Variants in KLHL29 observed in about 807,000 individuals in gnomAD.
KLHL29 encodes kelch-like protein 29.
A neutral mutation model predicts 80.4 loss-of-function variants in KLHL29; 21 were observed. The ratio of observed to expected loss-of-function variants is 0.26; its 90% CI spans 0.19 to 0.38. The LOEUF (loss-of-function observed/expected upper bound fraction) is 0.38. KLHL29 is among the 10% of genes least tolerant of loss of function. KLHL29 has a pLI of 1.00. For synonymous variants in KLHL29, 511 were observed against 526.8 expected, an observed-to-expected ratio of 0.97 and a Z score of 0.41; for missense variants, 867 against 1,223.9, an observed-to-expected ratio of 0.71 and a Z score of 4.35.
intron 3 of KLHL29, among the ~76,000 whole-genome samples, chr2:23,635,878 G>A (rs1246883745): frequency 2.0e-5 from 3 of 152,254 alleles, no homozygotes; most frequent in South Asian, 2.1e-4. Context: ...GGGAGGGCAC[G>A]AGGGGAAGCT....
rs527670786 is a variant in KLHL29, at chr2:23,455,490, A to G, written c.-153-20070A>G. Among the ~76,000 whole-genome samples the G allele has an allele frequency of 2.6e-5, 4 of 151,818 alleles. No homozygotes were observed. The East Asian group carries it at 7.8e-4, about 29-fold the overall frequency. On this transcript the variant is annotated intron_variant, in intron 1 of 13. Coordinates refer to ENST00000486442, the MANE Select transcript of KLHL29 (RefSeq NM_052920.2). ...AGTGGAAATCCAGTTAATGTAAGAT[A>G]TTTTGGTTTGTGAATTTTATTTGCC...
chr2:23,566,924 G>T (rs529698437), intron 3 of KLHL29, among the ~76,000 whole-genome samples: 17 of 151,536 alleles, frequency 1.1e-4, no homozygotes, highest in African/African-American at 3.7e-4. Flanking sequence ...GTCCCCCCCT[G>T]GTGGTTGGTG....
chr2:23,569,221 A>G (rs2103501397), intron 3 of KLHL29, among the ~76,000 whole-genome samples: 1 of 152,356 alleles, frequency 6.6e-6, no homozygotes, highest in Admixed American at 6.5e-5. Context: ...TCCCTGTGAA[A>G]ATCCACTTGG....
chr2:23,693,923 G>A lies in KLHL29; in HGVS notation c.1542+395G>A, dbSNP rs906206216. ...GCAGGAAGAGGGAGAGTGAGGTCCT[G>A]AGGGGACTGTGTTGGGTAAACAGAG... On this transcript the variant is annotated intron_variant, in intron 8 of 13. Transcript: ENST00000486442. Among the ~76,000 whole-genome samples, 13 of 152,318 alleles carry A rather than the reference G, an allele frequency of 8.5e-5. No individual in the cohort carries two copies. The East Asian group carries it at 2.3e-3, about 27-fold the overall frequency.
intron 4 of KLHL29, among the ~76,000 whole-genome samples, chr2:23,641,736 C>T (rs1669776129): frequency 6.6e-6 from 1 of 152,232 alleles, no homozygotes; most frequent in Admixed American, 6.5e-5. Context: ...GTGGTCCCAG[C>T]ACTTTGGGAA....
At chr2:23,444,169 C>T (rs1299284758) in intron 1 of KLHL29, among the ~76,000 whole-genome samples, 3 of 152,150 alleles carry the variant, frequency 2.0e-5, no homozygotes, top group African/African-American at 7.2e-5. Flanking sequence ...ACCTCTTAGG[C>T]ACTAGGGATG....
rs1266501714 is a variant in KLHL29, at chr2:23,642,369, C to T, written c.459C>T (p.Ala153=). The T allele has an allele frequency of 1.5e-5, 22 of 1,434,694 alleles. No individual in the cohort carries two copies. The highest frequency in any genetic ancestry group is 2.9e-5 in the Admixed American group (1 of 34,436). 88.9% of individuals were successfully genotyped at this position (1,434,694 alleles called of 1,614,324 possible). A position where few individuals can be genotyped will look rare whatever the true frequency, so the allele number is the denominator to read the frequency against. ...GTGPWVTTVA[A]GNQPTLIAHS... The stretch of plus-strand genomic sequence containing the variant: ...GGCCATGGGTGACCACGGTGGCCGC[C>T]GGGAACCAGCCCACCCTGATTGCAC... The change falls in exon 5 of 14, where the codon GCC becomes GCT. Residue 153 remains alanine (A), a synonymous_variant. Transcript: ENST00000486442.
intron 1 of KLHL29, among the ~76,000 whole-genome samples, chr2:23,399,410 A>G (rs1344915574): frequency 6.6e-6 from 1 of 152,264 alleles, no homozygotes; most frequent in African/African-American, 2.4e-5. Flanking sequence ...GTTTCATCAC[A>G]ATAAAAAAAT....
intron 2 of KLHL29, among the ~76,000 whole-genome samples, chr2:23,489,741 A>AG (rs1260743945): frequency 6.7e-6 from 1 of 149,474 alleles, no homozygotes. Context: ...AGCTGGGGAG[A>AG]GGGGCATGTG....
chr2:23,666,673 G>A (rs571306011), intron 5 of KLHL29, among the ~76,000 whole-genome samples: 93 of 152,360 alleles, frequency 6.1e-4, no homozygotes, highest in African/African-American at 2.2e-3. Flanking sequence ...GTGACTGAGC[G>A]AGTTTCCTTC....
chr2:23,613,790 A>AAAAAAAAAAAAAC (rs1668933636), intron 3 of KLHL29, among the ~76,000 whole-genome samples: 2 of 146,586 alleles, frequency 1.4e-5, no homozygotes, highest in African/African-American at 5.0e-5. Flanking sequence ...AAAAAAAAAA[A>AAAAAAAAAAAAAC]CCCACCACTC....
Position 23,693,423 on chromosome 2 carries a change from C to T in KLHL29, c.1437C>T (p.Asp479=). 1 of 1,551,766 alleles carries T rather than the reference C, an allele frequency of 6.4e-7. No individual in the cohort carries two copies. Among genetic ancestry groups the T allele is most frequent in the Non-Finnish European group, 8.7e-7 (1 of 1,147,000 alleles). Residue 479 remains aspartate (D), a synonymous_variant, in exon 8 of 14, where the codon GAC becomes GAT. Transcript: ENST00000486442. ...QEEILSISKD[D]FIAYVSNDSL... ...AGATCCTCAGCATCTCCAAGGACGA[C>T]TTCATCGCCTACGTCTCCAACGACA...
rs536386486 is a variant in KLHL29 at position 23,488,169 on chromosome 2, C to T, written c.-46+12502C>T. 3.9e-5 allele frequency among the ~76,000 whole-genome samples: 6 copies of T among 152,368 alleles called. No individual in the cohort carries two copies. In the East Asian group the frequency reaches 1.2e-3, roughly 29 times the overall value. ...ATTTGTCAGGTGGGCTTCGCAATAACACACCTCCTGCCCCTGGCCTGAGCT... is the reference window on the plus strand; with the variant it reads ...ATTTGTCAGGTGGGCTTCGCAATAATACACCTCCTGCCCCTGGCCTGAGCT... On this transcript the variant is annotated intron_variant, in intron 2 of 13. Transcript: ENST00000486442.
intron 3 of KLHL29, among the ~76,000 whole-genome samples, chr2:23,590,913 T>A (rs1054099115): frequency 6.6e-6 from 1 of 152,040 alleles, no homozygotes; most frequent in African/African-American, 2.4e-5. Flanking sequence ...GAGGCCCTGA[T>A]CGCCACAGAC....
rs962134857 is a variant in KLHL29 at position 23,669,286 on chromosome 2, C to G, written c.941-15113C>G. ...CCTGGTCCAGAGAGAAGTAAACAGACTCAGCAGAGTGCTGAGCCAAGTGTG... is the reference window on the plus strand; with the variant it reads ...CCTGGTCCAGAGAGAAGTAAACAGAGTCAGCAGAGTGCTGAGCCAAGTGTG... On this transcript the variant is annotated intron_variant, in intron 5 of 13. Coordinates refer to ENST00000486442, the MANE Select transcript of KLHL29 (RefSeq NM_052920.2). This position sits in a 1 kb window ranked among gnomAD's most constrained non-coding sequence, Gnocchi z 4.3. The G allele has an allele frequency of 6.6e-6, 1 of 152,248 alleles. No homozygotes were observed. The highest frequency in any genetic ancestry group is 2.4e-5 in the African/African-American group (1 of 41,450). 9.4% of individuals were successfully genotyped at this position (152,248 alleles called of 1,614,324 possible).
At chr2:23,387,155 G>GGC (rs1666205821) in intron 1 of KLHL29, among the ~76,000 whole-genome samples, 1 of 152,220 alleles carries the variant, frequency 6.6e-6, no homozygotes, top group South Asian at 2.1e-4. Flanking sequence ...TGTAGCATTA[G>GGC]GCGAGACCTC....
In KLHL29 at chr2:23,700,891, C is replaced by T. The variant is rs942718381; in HGVS notation, c.2106-2295C>T. 2.6e-5 allele frequency among the ~76,000 whole-genome samples: 4 copies of T among 152,148 alleles called. No individual in the cohort carries two copies. The highest frequency in any genetic ancestry group is 2.1e-4 in the South Asian group (1 of 4,826). ...TTGGCTGCCCTCTGAGGACGCCTCT[C>T]AGCTCCCCTCTTAAAGACTACATTT... On this transcript the variant is annotated intron_variant, in intron 11 of 13. Transcript: ENST00000486442. This position sits in a 1 kb window ranked among gnomAD's most constrained non-coding sequence, Gnocchi z 4.6.
intron 2 of KLHL29, among the ~76,000 whole-genome samples, chr2:23,537,988 T>C (rs1666722995): frequency 6.6e-6 from 1 of 152,164 alleles, no homozygotes. Context: ...TAAAGGAAAG[T>C]TGCTCCAGAA....
chr2:23,435,328 A>G (rs1663308076), intron 1 of KLHL29, among the ~76,000 whole-genome samples: 1 of 152,124 alleles, frequency 6.6e-6, no homozygotes, highest in Admixed American at 6.5e-5. Context: ...TTCTGTGCAT[A>G]CAAGCGATGG....
Sources: gnomAD v4.1 joint callset for allele counts (sites outside exome capture counted in the v4.1 genomes callset) on GRCh38, gnomAD v4.1.1 for gene constraint, Gnocchi (gnomAD v3.1) non-coding constraint, MANE v1.5 for transcripts, NCBI Gene and HGNC (gene_info 2026-07-23, HGNC 2026-07-21) for gene names.